RUVBL1: variants seen among roughly 807,000 people sequenced by gnomAD.
RUVBL1 encodes RuvB like AAA ATPase 1.
A neutral mutation model predicts 52.4 loss-of-function variants in RUVBL1; 4 were observed. The observed-to-expected ratio is 0.08, with a 90% CI of 0.04 to 0.17. The LOEUF (loss-of-function observed/expected upper bound fraction) is 0.17. RUVBL1 is among the 10% of genes least tolerant of loss of function. The pLI is 1.00. For missense variants in RUVBL1, 298 were observed against 572.8 expected (o/e 0.52, Z 4.90); for synonymous variants, 217 against 214.4 (o/e 1.01, Z -0.10).
intron 8 of RUVBL1, among the ~76,000 whole-genome samples, chr3:128,090,241 A>C (rs1039149594): frequency 6.6e-6 from 1 of 152,258 alleles, no homozygotes; most frequent in Non-Finnish European, 1.5e-5. Context: ...ATGTAAAAAA[A>C]TTAAAATCAG....
Position 128,065,150 on chromosome 3 carries a change from C to T in RUVBL1, c.*62G>A, listed in dbSNP as rs774787934. 18 of 1,176,664 alleles carry T rather than the reference C, an allele frequency of 1.5e-5. No individual in the cohort carries two copies. The East Asian group carries it at 2.6e-4, about 17-fold the overall frequency. The allele number at this position is 1,176,664 out of a possible 1,614,324, so 72.9% of individuals were successfully genotyped here. On this transcript the variant is annotated 3_prime_UTR_variant, in exon 10 of 10. Transcript: ENST00000464873. ...GCACTGTCATCATATTGTGTTGAAA[C>T]GATGAGATGGTATTTGAAGGCAGCA...
At chr3:128,100,849 G>A (rs1943093824) in intron 5 of RUVBL1, 105 bp from the exon 6 acceptor site, 2 of 1,320,508 alleles carry the variant, frequency 1.5e-6, no homozygotes, top group African/African-American at 3.0e-5. Context: ...CTGCAGGCCT[G>A]ACAGCCTACT....
intron 1 of RUVBL1, among the ~76,000 whole-genome samples, chr3:128,122,504 A>G (rs1943672935): frequency 6.6e-6 from 1 of 152,242 alleles, no homozygotes; most frequent in African/African-American, 2.4e-5. Context: ...TGCTTGGCAC[A>G]TGGAAAGCAC....
chr3:128,081,159 G>A lies in RUVBL1; in HGVS notation c.*91C>T, dbSNP rs983025702. 1.7e-5 allele frequency: 24 copies of A among 1,374,992 alleles called. No homozygotes were observed. Among genetic ancestry groups the A allele is most frequent in the East Asian group, 6.9e-5 (3 of 43,274 alleles). 85.2% of individuals were successfully genotyped at this position (1,374,992 alleles called of 1,614,324 possible). ...CTGCAGACCACGCCTGAGTGGGGAC[G>A]GCAGCCCCAAGCCCAGGGGCAAGCG... On this transcript the variant is annotated 3_prime_UTR_variant, in exon 11 of 11. Coordinates refer to ENST00000322623, the MANE Select transcript of RUVBL1 (RefSeq NM_003707.3). This position sits in a 1 kb window ranked among gnomAD's most constrained non-coding sequence, Gnocchi z 4.8.
chr3:128,075,261 C>G (rs1320349318), intron 9 of RUVBL1: 1 of 152,218 alleles, frequency 6.6e-6, no homozygotes, highest in Non-Finnish European at 1.5e-5. Context: ...GCCTGTAATT[C>G]TTGCAGTTTT....
downstream of RUVBL1, among the ~76,000 whole-genome samples, chr3:128,078,120 TGG>T (rs1942380628): frequency 6.6e-6 from 1 of 152,196 alleles, no homozygotes; most frequent in Non-Finnish European, 1.5e-5. Flanking sequence ...AGGGCCTTCT[TGG>T]GGTACCCCAG....
At chr3:128,153,883 G>A (rs937862782) in exon 1 of RUVBL1, 7 of 1,440,414 alleles carry the variant, frequency 4.9e-6, no homozygotes, top group Non-Finnish European at 6.3e-6. Flanking sequence ...ACCGGGCCCC[G>A]TGTCCGAATT....
chr3:128,131,618 T>G (rs1048799634), intron 1 of RUVBL1, among the ~76,000 whole-genome samples: 4 of 152,222 alleles, frequency 2.6e-5, no homozygotes, highest in Admixed American at 6.5e-5. Context: ...AGCAGTGTGT[T>G]AAAGGATTAT....
chr3:128,121,157 G>A (rs1943637939), intron 1 of RUVBL1, among the ~76,000 whole-genome samples: 1 of 151,784 alleles, frequency 6.6e-6, no homozygotes, highest in Non-Finnish European at 1.5e-5. Context: ...GCGCAATGGC[G>A]CGATCTCAGC....
In RUVBL1 at chr3:128,113,006, C is replaced by T. The variant is rs745736819; in HGVS notation, c.243G>A (p.Leu81=). The T allele has an allele frequency of 2.5e-6, 4 of 1,613,778 alleles. No individual in the cohort carries two copies. Among genetic ancestry groups the T allele is most frequent in the Admixed American group, 3.3e-5 (2 of 59,928 alleles). The part of the protein sequence containing the change: ...PPGTGKTALA[L]AIAQELGSKV... ...TACTACCCAGCTCCTGAGCAATAGC[C>T]AGAGCCAGAGCTGTCTACAAAAGAA... is the stretch of plus-strand genomic sequence containing the variant. Residue 81 remains leucine, a synonymous_variant, in exon 3 of 11, where the codon CTG becomes CTA. Transcript: ENST00000322623.
At chr3:128,102,215 C>A (rs778368189) in intron 4 of RUVBL1, among the ~76,000 whole-genome samples, 2 of 152,236 alleles carry the variant, frequency 1.3e-5, no homozygotes, top group Admixed American at 6.5e-5. Flanking sequence ...TAAGTTTCCT[C>A]ATCTATACAA....
In RUVBL1 at chr3:128,067,853, A is replaced by T; in HGVS notation, c.940-2633T>A. On this transcript the variant is annotated intron_variant, in intron 9 of 9. Coordinates refer to the RUVBL1 transcript ENST00000464873. This position sits in a 1 kb window ranked among gnomAD's most constrained non-coding sequence, Gnocchi z 4.1. The stretch of plus-strand genomic sequence containing the variant: ...CTTTTTCATATGACTTCCTTGCGGC[A>T]GTTTTAAAGTTCTCTGTATGAATAT... The T allele has an allele frequency of 1.3e-6, 1 of 783,004 alleles. No homozygotes were observed. Among genetic ancestry groups the T allele is most frequent in the Non-Finnish European group, 2.2e-6 (1 of 460,430 alleles). 48.5% of individuals were successfully genotyped at this position (783,004 alleles called of 1,614,324 possible). A position where few individuals can be genotyped will look rare whatever the true frequency, so the allele number is the denominator to read the frequency against.
intron 2 of RUVBL1, among the ~76,000 whole-genome samples, chr3:128,117,704 C>A (rs1943559105): frequency 6.6e-6 from 1 of 151,856 alleles, no homozygotes; most frequent in Non-Finnish European, 1.5e-5. Flanking sequence ...CCTCTGCCTC[C>A]CAGGTTCAAG....
At chr3:128,138,607 T>C (rs891064281) in intron 1 of RUVBL1, among the ~76,000 whole-genome samples, 2 of 152,132 alleles carry the variant, frequency 1.3e-5, no homozygotes, top group Admixed American at 1.3e-4. Flanking sequence ...ATCAATATTG[T>C]TAAAATGTTC....
chr3:128,151,924 A>G (rs951795553), intron 1 of RUVBL1, among the ~76,000 whole-genome samples: 2 of 152,188 alleles, frequency 1.3e-5, no homozygotes, highest in African/African-American at 4.8e-5. Context: ...ACAGTGTTAC[A>G]AAAACACTCT....
At chr3:128,108,405 T>A (rs1576464380) in intron 3 of RUVBL1, among the ~76,000 whole-genome samples, 1 of 152,332 alleles carries the variant, frequency 6.6e-6, no homozygotes, top group South Asian at 2.1e-4. Context: ...AAGGAACTTA[T>A]CTCTATTTTT....
chr3:128,146,455 T>C (rs961471186), intron 1 of RUVBL1, among the ~76,000 whole-genome samples: 2 of 150,990 alleles, frequency 1.3e-5, no homozygotes, highest in African/African-American at 4.9e-5. Context: ...TGTGCGTCTG[T>C]GTATCTCTAT....
chr3:128,081,813 ACT>A lies in RUVBL1; in HGVS notation c.1212-406_1212-405del, dbSNP rs1378995462. On this transcript the variant is annotated intron_variant, in intron 10 of 10. Coordinates refer to ENST00000322623, the MANE Select transcript of RUVBL1 (RefSeq NM_003707.3). The surrounding 1 kb of genome is among the most constrained non-coding windows in gnomAD (Gnocchi z 4.8). ...TACATGCCCATCCAAAGGCATGAAG[ACT>A]CTGCCGTTTTAAAAAGTACCCCTTC... 2.9e-5 allele frequency: 5 copies of A among 172,084 alleles called. No homozygotes were observed. Among genetic ancestry groups the A allele is most frequent in the Admixed American group, 1.6e-4 (3 of 18,262 alleles). 10.7% of individuals were successfully genotyped at this position (172,084 alleles called of 1,614,324 possible). A position where few individuals can be genotyped will look rare whatever the true frequency, so the allele number is the denominator to read the frequency against.
At chr3:128,076,547 A>G (rs966589166), downstream of RUVBL1, among the ~76,000 whole-genome samples, 3 of 152,116 alleles carry the variant, frequency 2.0e-5, no homozygotes, top group African/African-American at 7.2e-5. This position sits in a 1 kb window ranked among gnomAD's most constrained non-coding sequence, Gnocchi z 6.8. Context: ...AGGCTTGCAA[A>G]GACCGAAGAG....
Sources: allele counts gnomAD v4.1 joint callset (sites outside exome capture counted in the v4.1 genomes callset), GRCh38; gene constraint gnomAD v4.1.1; non-coding constraint Gnocchi (gnomAD v3.1); transcripts MANE v1.5; gene names NCBI Gene and HGNC (gene_info 2026-07-23, HGNC 2026-07-21).